The following GPC5 variants were observed in gnomAD, a reference collection of about 807,000 sequenced individuals.
GPC5 encodes the protein glypican 5, also known as glypican-5.
GPC5 carries 47 observed loss-of-function variants against 53.9 expected under a neutral mutation model. The observed-to-expected ratio is 0.87, with a 90% CI of 0.69 to 1.11. The LOEUF is 1.11. Ranked by LOEUF, GPC5 falls within the 50% of genes most tolerant of loss-of-function variation. The pLI is 0.00. For missense variants in GPC5, 748 were observed against 713.1 expected, an observed-to-expected ratio of 1.05 and a Z score of -0.56; for synonymous variants, 286 against 263.3, an observed-to-expected ratio of 1.09 and a Z score of -0.84.
At chr13:91,660,948 C>A (rs1327405739) in intron 2 of GPC5, among the ~76,000 whole-genome samples, 1 of 152,090 alleles carries the variant, frequency 6.6e-6, no homozygotes, top group Non-Finnish European at 1.5e-5. Flanking sequence ...AATGTGCTGT[C>A]ACTTAGAATG....
At chr13:91,800,654 AAAG>A (rs1184477814) in intron 5 of GPC5, among the ~76,000 whole-genome samples, 2 of 152,158 alleles carry the variant, frequency 1.3e-5, no homozygotes, top group African/African-American at 4.8e-5. Flanking sequence ...AGGTTTTTTA[AAAG>A]ACCTTTTAGA....
intron 7 of GPC5, among the ~76,000 whole-genome samples, chr13:92,518,014 G>A (rs1386285109): frequency 6.6e-6 from 1 of 152,188 alleles, no homozygotes; most frequent in Non-Finnish European, 1.5e-5. Context: ...CATGGCACGA[G>A]AACTACGTGA....
At chr13:92,830,143 T>C (rs566064200) in intron 7 of GPC5, among the ~76,000 whole-genome samples, 1 of 152,298 alleles carries the variant, frequency 6.6e-6, no homozygotes, top group Admixed American at 6.5e-5. Context: ...ATTAATGATG[T>C]GTGCTTGCAT....
At chr13:91,903,342 G>C (rs1214835861) in intron 5 of GPC5, among the ~76,000 whole-genome samples, 3 of 151,932 alleles carry the variant, frequency 2.0e-5, no homozygotes, top group African/African-American at 7.3e-5. Flanking sequence ...ATTTTGAAAG[G>C]TGCTTCTCTG....
intron 2 of GPC5, among the ~76,000 whole-genome samples, chr13:91,519,937 A>T (rs1411948534): frequency 6.6e-6 from 1 of 152,198 alleles, no homozygotes; most frequent in African/African-American, 2.4e-5. Context: ...AATCAGTGAA[A>T]CAGAATTTAT....
chr13:92,476,172 A>G (rs1479638478), intron 7 of GPC5, among the ~76,000 whole-genome samples: 2 of 152,212 alleles, frequency 1.3e-5, no homozygotes, highest in African/African-American at 4.8e-5. Context: ...TTCAGAATCT[A>G]CAATGAACTC....
intron 4 of GPC5, among the ~76,000 whole-genome samples, chr13:91,754,691 CAATT>C (rs916664013): frequency 6.6e-6 from 1 of 152,098 alleles, no homozygotes; most frequent in African/African-American, 2.4e-5. Flanking sequence ...TCTGCTTCCT[CAATT>C]ATGTTTTAAT....
intron 6 of GPC5, among the ~76,000 whole-genome samples, chr13:92,046,676 T>A (rs1336641603): frequency 6.6e-6 from 1 of 152,210 alleles, no homozygotes; most frequent in African/African-American, 2.4e-5. Flanking sequence ...CAGTTCTATA[T>A]CTTATTAAAA....
intron 6 of GPC5, among the ~76,000 whole-genome samples, chr13:92,142,209 G>GA (rs537944116): frequency 2.0e-5 from 3 of 152,062 alleles, no homozygotes; most frequent in South Asian, 2.1e-4. Flanking sequence ...TTAAAAAAGG[G>GA]AAAAAAATCA....
chr13:91,478,868 A>G lies in GPC5; in HGVS notation c.325+29946A>G, dbSNP rs1434027804. 3.4e-4 allele frequency among the ~76,000 whole-genome samples: 26 copies of G among 76,988 alleles called. No individual in the cohort carries two copies. In the East Asian group the frequency reaches 0.012, roughly 35 times the overall value. 50.5% of individuals were successfully genotyped at this position (76,988 alleles called of 152,430 possible). On this transcript the variant is annotated intron_variant, in intron 2 of 7. Coordinates refer to ENST00000377067, the MANE Select transcript of GPC5 (RefSeq NM_004466.6). Reference sequence around the variant, plus strand: ...ACACATTATATATATATACACACACATATATATACACATTATATATATATA... The same window carrying G: ...ACACATTATATATATATACACACACGTATATATACACATTATATATATATA...
At chr13:91,621,394 G>C (rs987516966) in intron 2 of GPC5, among the ~76,000 whole-genome samples, 6 of 152,036 alleles carry the variant, frequency 3.9e-5, no homozygotes, top group African/African-American at 1.4e-4. Flanking sequence ...GATGATGTGG[G>C]CAGGTGAGGA....
intron 6 of GPC5, among the ~76,000 whole-genome samples, chr13:91,941,443 C>A (rs540421139): frequency 2.0e-5 from 3 of 152,198 alleles, no homozygotes; most frequent in Non-Finnish European, 4.4e-5. Flanking sequence ...CCTTCCTAGC[C>A]AAGCTGTTGA....
intron 6 of GPC5, among the ~76,000 whole-genome samples, chr13:92,125,621 T>A (rs1459471559): frequency 1.3e-5 from 2 of 152,094 alleles, no homozygotes; most frequent in Non-Finnish European, 2.9e-5. Context: ...ATGAACAAGA[T>A]GTTTAGTTCA....
intron 6 of GPC5, among the ~76,000 whole-genome samples, chr13:91,912,955 G>A (rs28545280): frequency 0.059 from 9,008 of 152,154 alleles, 353 homozygotes; most frequent in African/African-American, 0.1. Context: ...TGGAAGCTTG[G>A]CAGTGATCCT....
Position 91,987,190 on chromosome 13 carries a change from A to G in GPC5, c.1401+79133A>G, listed in dbSNP as rs139087038. Among the ~76,000 whole-genome samples the G allele has an allele frequency of 4.9e-3, 744 of 152,364 alleles. 5 individuals are homozygous for G. The highest frequency in any genetic ancestry group is 0.017 in the African/African-American group (705 of 41,582). ...TATTACCCCCAGTCAATAAAATTCTACTGAAAAATAATGAAGCCTGCAAGT... is the reference window on the plus strand; with the variant it reads ...TATTACCCCCAGTCAATAAAATTCTGCTGAAAAATAATGAAGCCTGCAAGT... On this transcript the variant is annotated intron_variant, in intron 6 of 7. Coordinates refer to ENST00000377067, the MANE Select transcript of GPC5 (RefSeq NM_004466.6).
intron 6 of GPC5, among the ~76,000 whole-genome samples, chr13:92,055,481 T>C (rs2041066956): frequency 1.3e-5 from 2 of 152,248 alleles, no homozygotes; most frequent in Admixed American, 1.3e-4. Context: ...GTGTGAACCA[T>C]GTTTTGCTTT....
At chr13:92,791,148 A>T (rs2138774611) in intron 7 of GPC5, among the ~76,000 whole-genome samples, 1 of 152,204 alleles carries the variant, frequency 6.6e-6, no homozygotes, top group South Asian at 2.1e-4. Flanking sequence ...TTCTCTCCAA[A>T]GTGAAATTGG....
chr13:92,614,249 T>G (rs2139103285), intron 7 of GPC5, among the ~76,000 whole-genome samples: 3 of 152,250 alleles, frequency 2.0e-5, no homozygotes, highest in Admixed American at 2.0e-4. Flanking sequence ...CTTTGAAAAA[T>G]AATACTTTGG....
At chr13:92,043,469 G>A (rs1274427973) in intron 6 of GPC5, among the ~76,000 whole-genome samples, 1 of 152,150 alleles carries the variant, frequency 6.6e-6, no homozygotes, top group Non-Finnish European at 1.5e-5. Context: ...CATGGAAATT[G>A]GTAAGGAGAG....
Sources: gnomAD v4.1 joint callset for allele counts (sites outside exome capture counted in the v4.1 genomes callset) on GRCh38, gnomAD v4.1.1 for gene constraint, MANE v1.5 for transcripts, NCBI Gene and HGNC (gene_info 2026-07-23, HGNC 2026-07-21) for gene names.